Variants in ADAM12 observed in about 807,000 individuals in gnomAD.
ADAM12 encodes the protein ADAM metallopeptidase domain 12.
In ADAM12, 70 loss-of-function variants were observed where a neutral mutation model predicts 106.4. That is an observed-to-expected ratio of 0.66 (90% CI 0.54 to 0.80). ADAM12 has a LOEUF of 0.80. Ranked by LOEUF, ADAM12 falls within the 30% of genes least tolerant of loss-of-function variation. ADAM12 has a pLI of 0.00. For synonymous variants in ADAM12, 420 were observed against 433.5 expected (o/e 0.97, Z 0.39); for missense variants, 1,010 against 1,171.9 (o/e 0.86, Z 2.02).
At chr10:126,176,861 G>A (rs746113484) in intron 3 of ADAM12, among the ~76,000 whole-genome samples, 2 of 152,098 alleles carry the variant, frequency 1.3e-5, no homozygotes, top group African/African-American at 4.8e-5. Flanking sequence ...GTTTACTGCC[G>A]AAGCCTGAGA....
At chr10:126,245,752 C>T (rs975753258) in intron 3 of ADAM12, among the ~76,000 whole-genome samples, 11 of 152,188 alleles carry the variant, frequency 7.2e-5, no homozygotes, top group South Asian at 2.1e-4. Flanking sequence ...TGAACGGCAG[C>T]GTCAGATGAC....
intron 4 of ADAM12, among the ~76,000 whole-genome samples, chr10:126,147,263 G>A (rs545616933): frequency 5.9e-5 from 9 of 152,124 alleles, no homozygotes; most frequent in East Asian, 3.9e-4. Context: ...CTTTCATTCC[G>A]TGCACCTGGC....
rs549602985 is a variant in ADAM12 at position 126,064,738 on chromosome 10, T to C, written c.1609+68A>G. ...TGGGGGCTAACCAAAACAGAGCACA[T>C]GCCCCCAGTCCCACAGCCCAGGTCT... On this transcript the variant is annotated intron_variant, in intron 14 of 22. Coordinates refer to ENST00000448723, the MANE Select transcript of ADAM12 (RefSeq NM_001288973.2). The surrounding 1 kb of genome is among the most constrained non-coding windows in gnomAD (Gnocchi z 4.4). 38 of 1,480,276 alleles carry C rather than the reference T, an allele frequency of 2.6e-5. No homozygotes were observed. In the Admixed American group the frequency reaches 7.0e-4, roughly 27 times the overall value. The allele number at this position is 1,480,276 out of a possible 1,614,324, so 91.7% of individuals were successfully genotyped here. A position where few individuals can be genotyped will look rare whatever the true frequency, so the allele number is the denominator to read the frequency against.
At chr10:126,360,973 C>G (rs189617310) in intron 1 of ADAM12, among the ~76,000 whole-genome samples, 1 of 152,304 alleles carries the variant, frequency 6.6e-6, no homozygotes, top group East Asian at 1.9e-4. Context: ...ATGTCTTACA[C>G]AGATGGCAGC....
At chr10:126,070,123 G>A (rs998086127) in intron 12 of ADAM12, among the ~76,000 whole-genome samples, 12 of 152,116 alleles carry the variant, frequency 7.9e-5, no homozygotes, top group African/African-American at 2.7e-4. Context: ...AATTAACAAG[G>A]CCTACAAGGA....
intron 1 of ADAM12, among the ~76,000 whole-genome samples, chr10:126,366,386 C>T (rs558429204): frequency 6.6e-6 from 1 of 151,942 alleles, no homozygotes; most frequent in Non-Finnish European, 1.5e-5. Context: ...CTATAACTCT[C>T]TAAGTTAAAG....
chr10:126,288,219 G>A (rs1959969800), intron 2 of ADAM12, among the ~76,000 whole-genome samples: 1 of 151,886 alleles, frequency 6.6e-6, no homozygotes, highest in African/African-American at 2.4e-5. Flanking sequence ...AAGGAGCAGG[G>A]AAACCCTGGA....
At chr10:126,341,561 T>G (rs1477388758) in intron 1 of ADAM12, among the ~76,000 whole-genome samples, 2 of 152,234 alleles carry the variant, frequency 1.3e-5, no homozygotes, top group Non-Finnish European at 2.9e-5. Flanking sequence ...TTATTTTTAA[T>G]GAGAAAGAAC....
intron 3 of ADAM12, among the ~76,000 whole-genome samples, chr10:126,205,839 G>A (rs904241294): frequency 1.1e-4 from 17 of 152,032 alleles, no homozygotes; most frequent in African/African-American, 4.1e-4. Flanking sequence ...TCTTTTTATT[G>A]TTTTTCAGTT....
chr10:126,201,017 G>A (rs1048682395), intron 3 of ADAM12, among the ~76,000 whole-genome samples: 2 of 152,180 alleles, frequency 1.3e-5, no homozygotes, highest in Non-Finnish European at 2.9e-5. Context: ...CGTGATCCTA[G>A]AAAGGTGGGG....
intron 3 of ADAM12, among the ~76,000 whole-genome samples, chr10:126,159,022 G>A (rs116890684): frequency 6.6e-6 from 1 of 152,266 alleles, no homozygotes; most frequent in East Asian, 1.9e-4. Context: ...TTAAAAAAGA[G>A]CACACGGCTG....
intron 3 of ADAM12, among the ~76,000 whole-genome samples, chr10:126,173,910 G>T (rs11244864): frequency 6.6e-6 from 1 of 151,026 alleles, no homozygotes; most frequent in African/African-American, 2.4e-5. Context: ...TTAATATTTG[G>T]AAATAATTTC....
intron 3 of ADAM12, among the ~76,000 whole-genome samples, chr10:126,251,891 TGGATGGGATGGATAGGA>T (rs1958778844): frequency 1.0e-5 from 1 of 98,006 alleles, no homozygotes; most frequent in African/African-American, 4.3e-5. Context: ...ATGCAATGGA[TGGATGGGATGGATAGGA>T]TGGATGGATG....
In ADAM12 at chr10:126,054,358, C is replaced by T. The variant is rs192981950; in HGVS notation, c.1610-4689G>A. ...TTTAAACCTGATTTTGTCAGGCAGC[C>T]TTGATGAACCTGCGTGGATGCAGGA... On this transcript the variant is annotated intron_variant, in intron 14 of 22. Coordinates refer to ENST00000448723, the MANE Select transcript of ADAM12 (RefSeq NM_001288973.2). Among the ~76,000 whole-genome samples, 546 of 152,318 alleles carry T rather than the reference C, an allele frequency of 3.6e-3. 4 individuals carry two copies. Among genetic ancestry groups the T allele is most frequent in the Admixed American group, 8.7e-3 (133 of 15,300 alleles).
At chr10:126,292,385 G>C (rs77072540) in intron 2 of ADAM12, among the ~76,000 whole-genome samples, 3 of 152,184 alleles carry the variant, frequency 2.0e-5, no homozygotes, top group African/African-American at 7.2e-5. Context: ...TACCTCCACA[G>C]TTCCTTCTAT....
At chr10:126,071,774 C>T in intron 11 of ADAM12, 120 bp from the exon 12 acceptor site, 1 of 1,039,582 alleles carries the variant, frequency 9.6e-7, no homozygotes, top group Non-Finnish European at 1.4e-6. Flanking sequence ...CTGGTGGTCT[C>T]AATGAACAAT....
At chr10:126,343,236 T>C (rs571806853) in intron 1 of ADAM12, among the ~76,000 whole-genome samples, 16 of 146,092 alleles carry the variant, frequency 1.1e-4, no homozygotes, top group African/African-American at 4.0e-4. Context: ...TGTCCAAGTG[T>C]TCTCATTGTT....
chr10:126,330,482 G>C lies in ADAM12; in HGVS notation c.116C>G (p.Ala39Gly). The C allele has an allele frequency of 6.2e-7, 1 of 1,613,784 alleles. No individual in the cohort carries two copies. The highest frequency in any genetic ancestry group is 8.5e-7 in the Non-Finnish European group (1 of 1,179,936). ...RGVSLWNQGRADEVVSASVGS... is the reference protein window; with the variant it reads ...RGVSLWNQGRGDEVVSASVGS... ...AACAGAGGCACTGACAACTTCATCA[G>C]CTCTTCCTTGGTTCCATAAGCTCAC... Residue 39 changes from alanine to glycine, a missense_variant, in exon 2 of 23, where the codon GCT becomes GGT. Coordinates refer to ENST00000448723, the MANE Select transcript of ADAM12 (RefSeq NM_001288973.2).
chr10:126,021,028 C>T (rs1953757333), intron 21 of ADAM12, among the ~76,000 whole-genome samples: 1 of 151,166 alleles, frequency 6.6e-6, no homozygotes, highest in Non-Finnish European at 1.5e-5. Flanking sequence ...AGAACACATG[C>T]CCCTTTTTTT....
Sources: gnomAD v4.1 joint callset for allele counts (sites outside exome capture counted in the v4.1 genomes callset) on GRCh38, gnomAD v4.1.1 for gene constraint, Gnocchi (gnomAD v3.1) non-coding constraint, MANE v1.5 for transcripts, NCBI Gene and HGNC (gene_info 2026-07-23, HGNC 2026-07-21) for gene names.